TENM3: variants seen among roughly 807,000 people sequenced by gnomAD.
TENM3 encodes teneurin-3.
In TENM3, 63 loss-of-function variants were observed where a neutral mutation model predicts 255.1. The observed-to-expected ratio is 0.25, with a 90% CI of 0.20 to 0.30. The LOEUF (loss-of-function observed/expected upper bound fraction) is 0.30. Ranked by LOEUF, TENM3 falls within the 10% of genes least tolerant of loss-of-function variation. The pLI, the probability that TENM3 is intolerant of heterozygous loss-of-function variation, is 1.00. For synonymous variants in TENM3, 1,306 were observed against 1,322.3 expected (o/e 0.99, Z 0.27); for missense variants, 2,929 against 3,461.1 (o/e 0.85, Z 3.86).
chr4:181,672,824 C>T, the TENM3 span, among the ~76,000 whole-genome samples: 2 of 152,144 alleles, frequency 1.3e-5, no homozygotes, highest in African/African-American at 4.8e-5. Context: ...ATCTTCATTT[C>T]GCAGAAGTAG....
At chr4:181,722,192 G>A in the TENM3 span, among the ~76,000 whole-genome samples, 1 of 152,214 alleles carries the variant, frequency 6.6e-6, no homozygotes, top group Non-Finnish European at 1.5e-5. Flanking sequence ...CAGAACTGGG[G>A]ATCAGGGCAT....
chr4:181,481,012 C>T, the TENM3 span, among the ~76,000 whole-genome samples: 4 of 151,254 alleles, frequency 2.6e-5, no homozygotes, highest in South Asian at 2.1e-4. Flanking sequence ...CACCATGAAA[C>T]GACTAGAATA....
the TENM3 span, among the ~76,000 whole-genome samples, chr4:182,061,949 C>T: frequency 6.6e-6 from 1 of 152,004 alleles, no homozygotes; most frequent in African/African-American, 2.4e-5. Flanking sequence ...AGAGCTGGAC[C>T]CTGTCTCAAA....
intron 24 of TENM3, among the ~76,000 whole-genome samples, chr4:182,788,215 A>G (rs527982645): frequency 6.6e-6 from 1 of 152,356 alleles, no homozygotes; most frequent in Admixed American, 6.5e-5. Flanking sequence ...GTGCTGTAGA[A>G]GACCAGAGAA....
At chr4:182,790,964 C>A (rs944759107) in intron 25 of TENM3, among the ~76,000 whole-genome samples, 1 of 152,116 alleles carries the variant, frequency 6.6e-6, no homozygotes. Context: ...TCTTTCTCAT[C>A]GTCTCTCCCA....
At chr4:181,502,663 T>A in the TENM3 span, among the ~76,000 whole-genome samples, 3 of 152,226 alleles carry the variant, frequency 2.0e-5, no homozygotes, top group East Asian at 3.9e-4. Context: ...GAGACTGGGT[T>A]TCATTTATTG....
the TENM3 span, among the ~76,000 whole-genome samples, chr4:181,932,298 C>T: frequency 3.3e-5 from 5 of 152,142 alleles, no homozygotes; most frequent in Admixed American, 2.6e-4. Flanking sequence ...CCAGAATCTA[C>T]AAGAAACTTA....
chr4:181,815,037 G>C, the TENM3 span, among the ~76,000 whole-genome samples: 1 of 152,074 alleles, frequency 6.6e-6, no homozygotes, highest in African/African-American at 2.4e-5. Flanking sequence ...TTTAGGAAAA[G>C]AGAAAAAGGA....
intron 3 of TENM3, among the ~76,000 whole-genome samples, chr4:182,481,604 G>A (rs958142503): frequency 7.0e-6 from 1 of 142,020 alleles, no homozygotes; most frequent in Admixed American, 7.6e-5. Flanking sequence ...CGACCGGCCT[G>A]AGCAACACGG....
the TENM3 span, among the ~76,000 whole-genome samples, chr4:181,607,120 G>C: frequency 6.6e-6 from 1 of 152,162 alleles, no homozygotes; most frequent in Admixed American, 6.5e-5. Flanking sequence ...GCCAAAAGTA[G>C]ACAGAGTTGG....
rs1370977458 is a variant in TENM3, at chr4:182,754,757, G to A, written c.4390G>A (p.Gly1464Ser). 3 of 1,613,922 alleles carry A rather than the reference G, an allele frequency of 1.9e-6. No individual in the cohort carries two copies. The highest frequency in any genetic ancestry group is 2.5e-6 in the Non-Finnish European group (3 of 1,179,906). ...ANCDCYQSGD[G>S]YAKDAKLSAP... ...CTGTGACTGTTACCAGAGTGGAGAT[G>A]GCTACGCCAAGGATGCCAAACTCAG... is the stretch of plus-strand genomic sequence containing the variant. Residue 1464 changes from glycine (G) to serine (S), a missense_variant, in exon 22 of 28, where the codon GGC becomes AGC. Physicochemically the swap from Gly to Ser is moderately conservative, Grantham distance 56 (BLOSUM62 0). Transcript: ENST00000511685. This position sits in a 1 kb window ranked among gnomAD's most constrained non-coding sequence, Gnocchi z 5.1.
chr4:181,888,049 A>G, the TENM3 span, among the ~76,000 whole-genome samples: 1 of 151,940 alleles, frequency 6.6e-6, no homozygotes, highest in Non-Finnish European at 1.5e-5. Flanking sequence ...TATTTTTTTG[A>G]GACAGAGTCT....
rs533646617 is a variant in TENM3 at position 182,655,843 on chromosome 4, A to T, written c.1111+1950A>T. 2.6e-5 allele frequency among the ~76,000 whole-genome samples: 4 copies of T among 152,306 alleles called. No individual in the cohort carries two copies. In the South Asian group the frequency reaches 8.3e-4, roughly 32 times the overall value. On this transcript the variant is annotated intron_variant, in intron 6 of 27. Coordinates refer to ENST00000511685, the MANE Select transcript of TENM3 (RefSeq NM_001080477.4). ...AGCCAACATATACACACACATATAC[A>T]TATGTATCTGAAATATGCTTCCCAA...
At chr4:182,537,061 G>T (rs1315014628) in intron 3 of TENM3, among the ~76,000 whole-genome samples, 1 of 152,162 alleles carries the variant, frequency 6.6e-6, no homozygotes, top group Non-Finnish European at 1.5e-5. Flanking sequence ...GTGTGTTTCA[G>T]TTAGGGAAAA....
At chr4:182,026,643 TGAGA>T in the TENM3 span, among the ~76,000 whole-genome samples, 19 of 152,250 alleles carry the variant, frequency 1.2e-4, no homozygotes, top group African/African-American at 4.6e-4. Flanking sequence ...TTGTATATGG[TGAGA>T]GAGAGGGATC....
chr4:182,770,622 CTGG>C (rs1184676509), intron 22 of TENM3, among the ~76,000 whole-genome samples: 287 of 152,324 alleles, frequency 1.9e-3, no homozygotes, highest in African/African-American at 6.8e-3. Context: ...AGGTCCCCAC[CTGG>C]GTGCAGCTCT....
the TENM3 span, among the ~76,000 whole-genome samples, chr4:181,568,767 T>C: frequency 2.0e-5 from 3 of 152,198 alleles, no homozygotes; most frequent in East Asian, 5.8e-4. Context: ...ACTTCCCTAA[T>C]CCTTTCCAAG....
the TENM3 span, among the ~76,000 whole-genome samples, chr4:182,057,768 G>A: frequency 2.0e-5 from 3 of 151,918 alleles, no homozygotes; most frequent in Non-Finnish European, 2.9e-5. Context: ...GACTGACCTC[G>A]TGAGGTAATC....
intron 1 of TENM3, among the ~76,000 whole-genome samples, chr4:182,147,229 G>C (rs895334576): frequency 1.3e-5 from 2 of 152,290 alleles, no homozygotes; most frequent in Non-Finnish European, 2.9e-5. Flanking sequence ...TGTGAGTAGA[G>C]TGACCTGTCA....
Sources: allele counts gnomAD v4.1 joint callset (sites outside exome capture counted in the v4.1 genomes callset), GRCh38; gene constraint gnomAD v4.1.1; non-coding constraint Gnocchi (gnomAD v3.1); transcripts MANE v1.5; gene names NCBI Gene and HGNC (gene_info 2026-07-23, HGNC 2026-07-21).